HERC4: variants seen among roughly 807,000 people sequenced by gnomAD.
HERC4 encodes HECT and RLD domain containing E3 ubiquitin protein ligase 4, also known as probable E3 ubiquitin-protein ligase HERC4.
HERC4 carries 28 observed loss-of-function variants against 124.3 expected under a neutral mutation model. The observed-to-expected ratio is 0.23, with a 90% CI of 0.17 to 0.31. HERC4 has a LOEUF of 0.31. Among genes scored for constraint, HERC4 ranks in the 10% least tolerant of loss-of-function variants. The pLI is 1.00. For synonymous variants in HERC4, 407 were observed against 421.5 expected, an observed-to-expected ratio of 0.97 and a Z score of 0.42; for missense variants, 713 against 1,229.3, an observed-to-expected ratio of 0.58 and a Z score of 6.28.
chr10:67,968,828 C>T (rs567342630), intron 15 of HERC4, among the ~76,000 whole-genome samples: 2 of 152,056 alleles, frequency 1.3e-5, no homozygotes, highest in African/African-American at 4.8e-5. Context: ...TCAACAGAAC[C>T]ATGATTATAT....
chr10:68,065,218 T>C (rs1406507846), intron 3 of HERC4, among the ~76,000 whole-genome samples: 1 of 152,112 alleles, frequency 6.6e-6, no homozygotes, highest in East Asian at 1.9e-4. Context: ...CATGATGGCA[T>C]TATAGTTTTT....
intron 4 of HERC4, among the ~76,000 whole-genome samples, chr10:68,044,163 T>C (rs879794628): frequency 6.6e-6 from 1 of 152,088 alleles, no homozygotes; most frequent in South Asian, 2.1e-4. Flanking sequence ...GTATTCCCTA[T>C]GCTTTTTTTA....
At chr10:68,010,153 TC>T in intron 9 of HERC4, 1 of 915,786 alleles carries the variant, frequency 1.1e-6, no homozygotes, top group Non-Finnish European at 1.7e-6. Flanking sequence ...GGGTTCTCTT[TC>T]CCTAGCTTCC....
In HERC4 at chr10:68,059,653, ATATC is replaced by A. The variant is rs1223934998; in HGVS notation, c.226+13226_226+13229del. ...ATCATAATATTATATATTATATTAT[ATATC>A]ATATTATATATTATATTATATATCA... On this transcript the variant is annotated intron_variant, in intron 3 of 24. Transcript: ENST00000373700. 1.6e-4 allele frequency among the ~76,000 whole-genome samples: 11 copies of A among 67,274 alleles called. 5 individuals are homozygous for A. Among genetic ancestry groups the A allele is most frequent in the African/African-American group, 1.2e-3 (11 of 8,988 alleles). 44.1% of individuals were successfully genotyped at this position (67,274 alleles called of 152,430 possible). A position where few individuals can be genotyped will look rare whatever the true frequency, so the allele number is the denominator to read the frequency against.
intron 15 of HERC4, among the ~76,000 whole-genome samples, chr10:67,984,755 G>A (rs1313616486): frequency 6.6e-6 from 1 of 151,974 alleles, no homozygotes; most frequent in African/African-American, 2.4e-5. Flanking sequence ...ATTAATTTTT[G>A]TAATTTTTAG....
intron 9 of HERC4, chr10:68,010,852 C>A: frequency 6.5e-7 from 1 of 1,531,590 alleles, no homozygotes; most frequent in Non-Finnish European, 9.0e-7. Context: ...CAAGTTCTTT[C>A]TGCAGAGCTT....
chr10:68,034,182 A>G lies in HERC4; in HGVS notation c.468T>C (p.Ser156=). ...TATTCTGTCCCCAACAGAAGACTTCACTTGCTGTAAAACAGTAATGGAAAA... is the reference window on the plus strand; with the variant it reads ...TATTCTGTCCCCAACAGAAGACTTCGCTTGCTGTAAAACAGTAATGGAAAA... ...YYHSLALSKA[S]EVFCWGQNKY... Residue 156 remains serine (S), a synonymous_variant, in exon 6 of 25, where the codon AGT becomes AGC. Transcript: ENST00000373700. 1 of 1,608,688 alleles carries G rather than the reference A, an allele frequency of 6.2e-7. No individual in the cohort carries two copies. Among genetic ancestry groups the G allele is most frequent in the Non-Finnish European group, 8.5e-7 (1 of 1,175,908 alleles).
chr10:67,990,412 C>CA lies in HERC4; in HGVS notation c.1444-13dup. On this transcript the variant is annotated splice_polypyrimidine_tract_variant and intron_variant, in intron 13 of 24. Transcript: ENST00000373700. ...AAACTAGCTGCCACCTATATTTTGA[C>CA]AAAAAGTAAAACCTACTTCATTTAA... 8.5e-7 allele frequency: 1 copy of CA among 1,175,998 alleles called. No individual in the cohort carries two copies. The highest frequency in any genetic ancestry group is 1.1e-6 in the Non-Finnish European group (1 of 914,688). The allele number at this position is 1,175,998 out of a possible 1,614,324, so 72.8% of individuals were successfully genotyped here. A position where few individuals can be genotyped will look rare whatever the true frequency, so the allele number is the denominator to read the frequency against.
intron 9 of HERC4, among the ~76,000 whole-genome samples, chr10:68,003,328 AT>A (rs34287961): frequency 0.55 from 71,368 of 130,736 alleles, 22,034 homozygotes; most frequent in Non-Finnish European, 0.72. Flanking sequence ...TGCCTGACTA[AT>A]TTTTTTTTTT....
intron 9 of HERC4, chr10:68,010,209 T>C: frequency 2.8e-6 from 3 of 1,073,562 alleles, no homozygotes; most frequent in South Asian, 2.6e-5. Context: ...GCACCTCAGT[T>C]TGAATGCATG....
chr10:67,928,688 C>T (rs559466140), intron 23 of HERC4, among the ~76,000 whole-genome samples: 12 of 151,880 alleles, frequency 7.9e-5, no homozygotes, highest in Non-Finnish European at 1.6e-4. Flanking sequence ...TTTGGGAGGC[C>T]GAGGCGAGTG....
At position 67,966,825 on chromosome 10, in the gene HERC4, C is replaced by T. The variant is rs1166321025; in HGVS notation, c.1807-23G>A. Reference sequence around the variant, plus strand: ...TACCTACAAAAGAAAATGTAATTGACATTAAATTTAACCAGTACTCAAGAC... The same window carrying T: ...TACCTACAAAAGAAAATGTAATTGATATTAAATTTAACCAGTACTCAAGAC... On this transcript the variant is annotated intron_variant, in intron 15 of 24. Coordinates refer to ENST00000373700, the MANE Select transcript of HERC4 (RefSeq NM_015601.4). 3 of 1,524,212 alleles carry T rather than the reference C, an allele frequency of 2.0e-6. No individual in the cohort carries two copies. In the African/African-American group the frequency reaches 4.2e-5, roughly 22 times the overall value. The allele number at this position is 1,524,212 out of a possible 1,614,324, so 94.4% of individuals were successfully genotyped here.
intron 23 of HERC4, among the ~76,000 whole-genome samples, chr10:67,926,893 T>C (rs940316965): frequency 1.3e-5 from 2 of 152,204 alleles, no homozygotes; most frequent in Non-Finnish European, 2.9e-5. Context: ...CTAGCTCTCT[T>C]ATTAGGGCAA....
Position 68,072,877 on chromosome 10 carries a change from A to G in HERC4, c.226+6T>C, listed in dbSNP as rs2041639742. 6.5e-7 allele frequency: 1 copy of G among 1,538,730 alleles called. No homozygotes were observed. Among genetic ancestry groups the G allele is most frequent in the Non-Finnish European group, 8.7e-7 (1 of 1,142,932 alleles). ...AATAGCAAATTTTAAAAACATTTCA[A>G]CTTACCTGGTTTCTTTCTGGATTTT... On this transcript the variant is annotated splice_donor_region_variant and intron_variant, in intron 3 of 24. Coordinates refer to ENST00000373700, the MANE Select transcript of HERC4 (RefSeq NM_015601.4).
chr10:67,985,761 T>C (rs888817515), intron 15 of HERC4, among the ~76,000 whole-genome samples: 1 of 152,210 alleles, frequency 6.6e-6, no homozygotes, highest in African/African-American at 2.4e-5. Flanking sequence ...ACCAAAGGTA[T>C]TTTCTTATGA....
In HERC4 at chr10:67,941,116, A is replaced by G; in HGVS notation, c.2338-11T>C. ...ACTGTCTTCAAATGTCTAAAAATAT[A>G]AGAAAAAGTAAACACATGTCCTCCA... On this transcript the variant is annotated splice_polypyrimidine_tract_variant and intron_variant, in intron 19 of 24. Transcript: ENST00000373700. The G allele has an allele frequency of 6.6e-7, 1 of 1,510,920 alleles. No individual in the cohort carries two copies. Among genetic ancestry groups the G allele is most frequent in the Non-Finnish European group, 8.8e-7 (1 of 1,130,684 alleles). 93.6% of individuals were successfully genotyped at this position (1,510,920 alleles called of 1,614,324 possible). A position where few individuals can be genotyped will look rare whatever the true frequency, so the allele number is the denominator to read the frequency against.
At chr10:68,002,112 T>C (rs946488561) in intron 9 of HERC4, among the ~76,000 whole-genome samples, 7 of 152,120 alleles carry the variant, frequency 4.6e-5, no homozygotes, top group Non-Finnish European at 7.4e-5. Context: ...GGTGCCAAAA[T>C]GCATTCCTAA....
chr10:68,045,635 T>C (rs2039979667), intron 3 of HERC4, among the ~76,000 whole-genome samples: 2 of 152,238 alleles, frequency 1.3e-5, no homozygotes, highest in Admixed American at 1.3e-4. Context: ...TTGTTTCTCT[T>C]AGTCCTCAAG....
chr10:68,032,464 C>A (rs2039258595), intron 7 of HERC4, among the ~76,000 whole-genome samples: 1 of 152,108 alleles, frequency 6.6e-6, no homozygotes, highest in South Asian at 2.1e-4. Flanking sequence ...TCATGGCAAG[C>A]TTAATGAACT....
Sources: gnomAD v4.1 joint callset for allele counts (sites outside exome capture counted in the v4.1 genomes callset) on GRCh38, gnomAD v4.1.1 for gene constraint, MANE v1.5 for transcripts, NCBI Gene and HGNC (gene_info 2026-07-23, HGNC 2026-07-21) for gene names.